Variants in CBLB observed in about 807,000 individuals in gnomAD.
CBLB encodes the protein Cbl proto-oncogene B.
Under a neutral mutation model 104.9 loss-of-function variants are expected in CBLB, and 31 were observed. That is an observed-to-expected ratio of 0.30 (90% CI 0.22 to 0.40). The LOEUF is 0.40. Among genes scored for constraint, CBLB ranks in the 10% least tolerant of loss-of-function variants. The pLI is 1.00. For synonymous variants in CBLB, 440 were observed against 422.6 expected, an observed-to-expected ratio of 1.04 and a Z score of -0.51; for missense variants, 1,062 against 1,214.6, an observed-to-expected ratio of 0.87 and a Z score of 1.87.
At chr3:105,837,877 C>G (rs1281343909) in intron 3 of CBLB, among the ~76,000 whole-genome samples, 1 of 152,122 alleles carries the variant, frequency 6.6e-6, no homozygotes, top group African/African-American at 2.4e-5. Flanking sequence ...TCAACACTTT[C>G]CATTGTAACA....
intron 3 of CBLB, among the ~76,000 whole-genome samples, chr3:105,826,563 C>T (rs150522446): frequency 1.2e-3 from 183 of 152,280 alleles, no homozygotes; most frequent in African/African-American, 4.3e-3. Flanking sequence ...TTCTTTAGCC[C>T]TCCATTATTT....
At chr3:105,678,907 T>C (rs1249038427) in intron 16 of CBLB, among the ~76,000 whole-genome samples, 2 of 152,208 alleles carry the variant, frequency 1.3e-5, no homozygotes, top group African/African-American at 4.8e-5. Context: ...ACTCAGAGTT[T>C]GAACTAAAAA....
intron 17 of CBLB, chr3:105,671,318 T>C (rs1397148962): frequency 9.4e-6 from 2 of 212,900 alleles, no homozygotes; most frequent in Non-Finnish European, 1.9e-5. Flanking sequence ...ATGTTGTCGA[T>C]ATCTCTGAAA....
intron 4 of CBLB, among the ~76,000 whole-genome samples, chr3:105,754,521 G>A (rs974905662): frequency 8.1e-5 from 7 of 85,958 alleles, no homozygotes; most frequent in Admixed American, 4.3e-4. Context: ...GAGAGAGAGA[G>A]ACAGAGAGAG....
chr3:105,866,518 T>C (rs1480151417), intron 2 of CBLB, among the ~76,000 whole-genome samples: 2 of 152,220 alleles, frequency 1.3e-5, no homozygotes, highest in African/African-American at 4.8e-5. Flanking sequence ...TCCAAACATT[T>C]ACTAATAAAT....
chr3:105,816,619 G>C (rs1299507349), intron 3 of CBLB, among the ~76,000 whole-genome samples: 1 of 152,162 alleles, frequency 6.6e-6, no homozygotes, highest in East Asian at 1.9e-4. Context: ...TAGAACTACA[G>C]GAGTAAATAG....
At chr3:105,816,052 G>A (rs569330553) in intron 3 of CBLB, among the ~76,000 whole-genome samples, 15 of 152,168 alleles carry the variant, frequency 9.9e-5, no homozygotes, top group East Asian at 7.7e-4. Context: ...GGGGCCTGTC[G>A]GGAGGTAGGG....
intron 12 of CBLB, among the ~76,000 whole-genome samples, 156 bp downstream of exon 12, chr3:105,701,938 A>T (rs549941222): frequency 1.3e-5 from 2 of 152,326 alleles, no homozygotes; most frequent in African/African-American, 4.8e-5. Context: ...TTCAAGTTTT[A>T]ATGAGCTTCT....
chr3:105,856,408 TTTTTC>T, intron 2 of CBLB, among the ~76,000 whole-genome samples: 1 of 151,650 alleles, frequency 6.6e-6, no homozygotes, highest in Non-Finnish European at 1.5e-5. Flanking sequence ...GATCAGGGTT[TTTTTC>T]AGAGGGAGTA....
intron 14 of CBLB, among the ~76,000 whole-genome samples, chr3:105,682,344 G>C (rs895370302): frequency 1.3e-5 from 2 of 152,172 alleles, no homozygotes; most frequent in East Asian, 3.9e-4. Context: ...AACATTCAAA[G>C]AACTAGAGCC....
intron 3 of CBLB, among the ~76,000 whole-genome samples, chr3:105,795,034 C>A (rs1379516669): frequency 6.6e-6 from 1 of 152,012 alleles, no homozygotes; most frequent in African/African-American, 2.4e-5. Context: ...CTGCCTCAGC[C>A]TCCCAAGTAG....
At chr3:105,740,297 C>G (rs2152877871) in intron 7 of CBLB, among the ~76,000 whole-genome samples, 197 bp downstream of exon 7, 1 of 152,052 alleles carries the variant, frequency 6.6e-6, no homozygotes, top group African/African-American at 2.4e-5. Flanking sequence ...AATGTATTTG[C>G]TATAACATAG....
chr3:105,812,827 C>T (rs1457636951), intron 3 of CBLB, among the ~76,000 whole-genome samples: 2 of 152,116 alleles, frequency 1.3e-5, no homozygotes, highest in Non-Finnish European at 2.9e-5. Flanking sequence ...TTCTTGAATG[C>T]TGTTTGAAAT....
chr3:105,683,257 A>C (rs2066542378), intron 14 of CBLB, among the ~76,000 whole-genome samples: 1 of 152,190 alleles, frequency 6.6e-6, no homozygotes, highest in African/African-American at 2.4e-5. Context: ...TGATGTTCCA[A>C]AGGGGGAAAA....
chr3:105,751,639 G>A, intron 4 of CBLB, 21 bp from the exon 5 acceptor site: 1 of 1,604,676 alleles, frequency 6.2e-7, no homozygotes, highest in Non-Finnish European at 8.5e-7. Context: ...TGGAAAAAAA[G>A]GGAAATAATT....
At chr3:105,665,408 A>ATATATATATATAT (rs1553700056) in intron 18 of CBLB, among the ~76,000 whole-genome samples, 5 of 51,548 alleles carry the variant, frequency 9.7e-5, no homozygotes, top group Non-Finnish European at 1.9e-4. Flanking sequence ...TAAATAAATA[A>ATATATATATATAT]ATAAATAAAT....
chr3:105,737,748 A>G (rs2152870686), intron 7 of CBLB, among the ~76,000 whole-genome samples: 1 of 152,260 alleles, frequency 6.6e-6, no homozygotes, highest in South Asian at 2.1e-4. Context: ...CTGTTTCTAC[A>G]GTTTCCATAT....
At chr3:105,760,164 CATA>C (rs2077482172) in intron 4 of CBLB, among the ~76,000 whole-genome samples, 2 of 152,096 alleles carry the variant, frequency 1.3e-5, no homozygotes, top group African/African-American at 4.8e-5. Context: ...AACCTTGGAA[CATA>C]ATAAACAATA....
Position 105,657,759 on chromosome 3 carries a change from A to T in CBLB, c.*1211T>A, listed in dbSNP as rs1032653808. 21 of 206,006 alleles carry T rather than the reference A, an allele frequency of 1.0e-4. No homozygotes were observed. In the Admixed American group the frequency reaches 1.2e-3, roughly 12 times the overall value. 12.8% of individuals were successfully genotyped at this position (206,006 alleles called of 1,614,324 possible). ...CACCTGATTTGATAAAGCAGTGTGG[A>T]GCAATGAATGAGAGAATCTGCAAAT... On this transcript the variant is annotated 3_prime_UTR_variant, in exon 19 of 19. Transcript: ENST00000394030.
Sources: allele counts gnomAD v4.1 joint callset (sites outside exome capture counted in the v4.1 genomes callset), GRCh38; gene constraint gnomAD v4.1.1; transcripts MANE v1.5; gene names NCBI Gene and HGNC (gene_info 2026-07-23, HGNC 2026-07-21).